The following SLC4A7 variants were observed in gnomAD, a reference collection of about 807,000 sequenced individuals.
The protein encoded by SLC4A7 is solute carrier family 4 member 7.
Under a neutral mutation model 137.6 loss-of-function variants are expected in SLC4A7, and 51 were observed. The ratio of observed to expected loss-of-function variants is 0.37; its 90% confidence interval spans 0.30 to 0.47. The LOEUF (loss-of-function observed/expected upper bound fraction) is 0.47. Among genes scored for constraint, SLC4A7 ranks in the 20% least tolerant of loss-of-function variants. The pLI, the probability that SLC4A7 is intolerant of heterozygous loss-of-function variation, is 1.00. For missense variants in SLC4A7, 1,247 were observed against 1,525.4 expected (o/e 0.82, Z 3.04); for synonymous variants, 542 against 518.6 (o/e 1.05, Z -0.61).
At chr3:27,407,263 C>T (rs762309828) in intron 13 of SLC4A7, among the ~76,000 whole-genome samples, 2 of 151,786 alleles carry the variant, frequency 1.3e-5, no homozygotes, top group African/African-American at 2.4e-5. Context: ...GGGCAGATCA[C>T]GAGGTCACAT....
intron 20 of SLC4A7, among the ~76,000 whole-genome samples, chr3:27,393,037 C>T (rs9870468): frequency 0.025 from 3,766 of 151,958 alleles, 173 homozygotes; most frequent in African/African-American, 0.087. Context: ...TCCAAAAGGT[C>T]TGAGATCTGT....
chr3:27,480,835 C>A (rs1263837262), intron 1 of SLC4A7, among the ~76,000 whole-genome samples: 1 of 152,054 alleles, frequency 6.6e-6, no homozygotes, highest in Non-Finnish European at 1.5e-5. Context: ...TTTTAACTGG[C>A]ACTCACAAAT....
chr3:27,404,751 C>A (rs917417904), intron 14 of SLC4A7, 79 bp downstream of exon 14: 1 of 1,208,042 alleles, frequency 8.3e-7, no homozygotes, highest in Non-Finnish European at 1.2e-6. Flanking sequence ...TACTTTTAAG[C>A]AATTAAATAA....
At position 27,373,307 on chromosome 3, in the gene SLC4A7, C is replaced by G. The variant is rs2049685764; in HGVS notation, c.*3457G>C. Reference sequence around the variant, plus strand: ...AGTTTTTGAAAAGTTAGAAAAGAAACCAATTTATATGAAGATTGCCAAATT... The same window carrying G: ...AGTTTTTGAAAAGTTAGAAAAGAAAGCAATTTATATGAAGATTGCCAAATT... On this transcript the variant is annotated 3_prime_UTR_variant, in exon 26 of 26. Coordinates refer to ENST00000454389, the MANE Select transcript of SLC4A7 (RefSeq NM_001321103.2). 1 of 151,960 alleles carries G rather than the reference C, an allele frequency of 6.6e-6. No individual in the cohort carries two copies. Among genetic ancestry groups the G allele is most frequent in the Non-Finnish European group, 1.5e-5 (1 of 67,946 alleles). 9.4% of individuals were successfully genotyped at this position (151,960 alleles called of 1,614,324 possible).
At chr3:27,429,214 C>A (rs1013760589) in intron 7 of SLC4A7, among the ~76,000 whole-genome samples, 16 of 151,082 alleles carry the variant, frequency 1.1e-4, no homozygotes, top group Admixed American at 1.1e-3. Context: ...TGCAGTAAGC[C>A]GAGATCACAC....
At chr3:27,408,188 T>C (rs2053566610) in intron 13 of SLC4A7, among the ~76,000 whole-genome samples, 1 of 152,244 alleles carries the variant, frequency 6.6e-6, no homozygotes, top group South Asian at 2.1e-4. Context: ...CTGGCTCTTC[T>C]TACACTTATC....
rs1175482585 is a variant in SLC4A7, at chr3:27,443,032, C to CT, written c.290-5507dup. 3.0e-3 allele frequency among the ~76,000 whole-genome samples: 313 copies of CT among 105,414 alleles called. 2 individuals carry two copies. Among genetic ancestry groups the CT allele is most frequent in the African/African-American group, 4.2e-3 (122 of 28,878 alleles). The allele number at this position is 105,414 out of a possible 152,430, so 69.2% of individuals were successfully genotyped here. On this transcript the variant is annotated intron_variant, in intron 3 of 25. Coordinates refer to ENST00000454389, the MANE Select transcript of SLC4A7 (RefSeq NM_001321103.2). ...TGGGCATTCTCTTTTTTCTTTTTTT[C>CT]TTTTTTTTTTTTTTTTTGAGATGGA...
At chr3:27,478,589 C>T (rs976865754) in intron 1 of SLC4A7, among the ~76,000 whole-genome samples, 2 of 151,336 alleles carry the variant, frequency 1.3e-5, no homozygotes, top group Admixed American at 1.3e-4. Context: ...ATGCTTTAAC[C>T]CCTTGATACT....
In SLC4A7 at chr3:27,375,136, G is replaced by C. The variant is rs1386622900; in HGVS notation, c.*1628C>G. 1 of 151,994 alleles carries C rather than the reference G, an allele frequency of 6.6e-6. No individual in the cohort carries two copies. The highest frequency in any genetic ancestry group is 1.5e-5 in the Non-Finnish European group (1 of 67,898). 9.4% of individuals were successfully genotyped at this position (151,994 alleles called of 1,614,324 possible). Reference sequence around the variant, plus strand: ...AGGACATTACATTAGTTAATAAATAGTTTATAATGAATTTAAAACACCAGA... The same window carrying C: ...AGGACATTACATTAGTTAATAAATACTTTATAATGAATTTAAAACACCAGA... On this transcript the variant is annotated 3_prime_UTR_variant, in exon 26 of 26. Coordinates refer to ENST00000454389, the MANE Select transcript of SLC4A7 (RefSeq NM_001321103.2).
chr3:27,431,443 C>G lies in SLC4A7; in HGVS notation c.1005G>C (p.Glu335Asp). Residue 335 changes from glutamate (E) to aspartate (D), a missense_variant, in exon 7 of 26, where the codon GAG (glutamate) becomes GAC (aspartate). Transcript: ENST00000454389. Reference sequence around the variant, plus strand: ...GTAGTTCTGGGGCCTGACGCTGACTCTCTTGGGAACTTCTGGAGGTCAGGC... The same window carrying G: ...GTAGTTCTGGGGCCTGACGCTGACTGTCTTGGGAACTTCTGGAGGTCAGGC... The part of the protein sequence containing the change: ...ISRLTSRSSQ[E>D]SQRQAPELLV... The G allele has an allele frequency of 6.2e-7, 1 of 1,614,080 alleles. No homozygotes were observed. Among genetic ancestry groups the G allele is most frequent in the South Asian group, 1.1e-5 (1 of 91,066 alleles).
At chr3:27,387,109 T>C (rs1216902781) in intron 22 of SLC4A7, among the ~76,000 whole-genome samples, 1 of 152,178 alleles carries the variant, frequency 6.6e-6, no homozygotes, top group Non-Finnish European at 1.5e-5. Flanking sequence ...CACTGACTTG[T>C]CAGCAATTTT....
At chr3:27,408,701 T>G (rs1295255842) in intron 13 of SLC4A7, among the ~76,000 whole-genome samples, 1 of 152,190 alleles carries the variant, frequency 6.6e-6, no homozygotes, top group African/African-American at 2.4e-5. Context: ...TTTCAAGATT[T>G]TACAAAGCAC....
At chr3:27,399,465 C>T (rs2052535473) in intron 16 of SLC4A7, among the ~76,000 whole-genome samples, 1 of 152,148 alleles carries the variant, frequency 6.6e-6, no homozygotes, top group African/African-American at 2.4e-5. Flanking sequence ...GACAGGGTCT[C>T]ATTCTGTCGC....
chr3:27,437,362 A>AG (rs1553703886), intron 4 of SLC4A7, 26 bp downstream of exon 4: 41 of 1,476,110 alleles, frequency 2.8e-5, no homozygotes, highest in Admixed American at 7.1e-5. Flanking sequence ...AAAAAAAAAA[A>AG]AGAGAGAGAG....
At chr3:27,410,427 C>CA (rs1259216029) in intron 12 of SLC4A7, among the ~76,000 whole-genome samples, 2 of 151,996 alleles carry the variant, frequency 1.3e-5, no homozygotes, top group African/African-American at 4.8e-5. Context: ...GAAAATTGAC[C>CA]AAAAAAACTA....
intron 25 of SLC4A7, among the ~76,000 whole-genome samples, chr3:27,377,281 T>C (rs1335128940): frequency 6.6e-6 from 1 of 152,210 alleles, no homozygotes; most frequent in Non-Finnish European, 1.5e-5. Context: ...TCACCCCAAA[T>C]TTGATTCATA....
chr3:27,390,803 T>C (rs1436302665), intron 21 of SLC4A7, among the ~76,000 whole-genome samples: 2 of 152,160 alleles, frequency 1.3e-5, no homozygotes, highest in African/African-American at 4.8e-5. Flanking sequence ...CTGTGCTTTA[T>C]GATCGTTTTT....
chr3:27,450,089 G>A (rs1310466842), intron 2 of SLC4A7, among the ~76,000 whole-genome samples: 1 of 152,118 alleles, frequency 6.6e-6, no homozygotes, highest in Non-Finnish European at 1.5e-5. Flanking sequence ...CCCAGGTAAG[G>A]CTTAAAAATG....
Position 27,399,008 on chromosome 3 carries a change from G to GA in SLC4A7, c.2428-656dup, listed in dbSNP as rs533969253. 7.2e-3 allele frequency among the ~76,000 whole-genome samples: 996 copies of GA among 137,440 alleles called. 6 individuals carry two copies. The highest frequency in any genetic ancestry group is 0.025 in the East Asian group (122 of 4,804). 90.2% of individuals were successfully genotyped at this position (137,440 alleles called of 152,430 possible). ...ACTACTGACTTCATTTTCCTTTAGGGAAAAAAAAAAAAAACTGAAAGGCAA... is the reference window on the plus strand; with the variant it reads ...ACTACTGACTTCATTTTCCTTTAGGGAAAAAAAAAAAAAAACTGAAAGGCAA... On this transcript the variant is annotated intron_variant, in intron 16 of 25. Coordinates refer to ENST00000454389, the MANE Select transcript of SLC4A7 (RefSeq NM_001321103.2).
Sources: gnomAD v4.1 joint callset for allele counts (sites outside exome capture counted in the v4.1 genomes callset) on GRCh38, gnomAD v4.1.1 for gene constraint, MANE v1.5 for transcripts, NCBI Gene and HGNC (gene_info 2026-07-23, HGNC 2026-07-21) for gene names.